The following GSE1 variants were observed in gnomAD, a reference collection of about 807,000 sequenced individuals.
The protein encoded by GSE1 is genetic suppressor element 1.
GSE1 carries 32 observed loss-of-function variants against 112.6 expected under a neutral mutation model. The ratio of observed to expected loss-of-function variants is 0.28; its 90% CI spans 0.21 to 0.38. The LOEUF (loss-of-function observed/expected upper bound fraction) is 0.38, where lower values mean the gene tolerates loss of function less well. GSE1 is among the 10% of genes least tolerant of loss of function. The pLI, the probability that GSE1 is intolerant of heterozygous loss-of-function variation, is 1.00. For missense variants in GSE1, 2,348 were observed against 1,699.2 expected (o/e 1.38, Z -6.71); for synonymous variants, 1,115 against 735.6 (o/e 1.52, Z -8.35).
At chr16:85,169,887 C>T in exon 1 of GSE1, 1 of 984,422 alleles carries the variant, frequency 1.0e-6, no homozygotes, top group Non-Finnish European at 1.2e-6. Flanking sequence ...CCCACCAGTG[C>T]GACGCGGGCG....
chr16:85,391,854 G>T (rs1435920636), intron 2 of GSE1, among the ~76,000 whole-genome samples: 1 of 152,146 alleles, frequency 6.6e-6, no homozygotes, highest in Non-Finnish European at 1.5e-5. Flanking sequence ...AGAACCCTGT[G>T]GCTTCTGGAC....
chr16:85,570,193 G>A (rs928382485), intron 1 of GSE1, among the ~76,000 whole-genome samples: 4 of 152,224 alleles, frequency 2.6e-5, no homozygotes, highest in African/African-American at 9.6e-5. Context: ...AAGGTGGGGG[G>A]AGTTCTGGAT....
At chr16:85,234,651 G>C (rs1904407013) in intron 1 of GSE1, among the ~76,000 whole-genome samples, 1 of 152,176 alleles carries the variant, frequency 6.6e-6, no homozygotes, top group South Asian at 2.1e-4. Flanking sequence ...CCAACGCCAG[G>C]AGGCCCAGGA....
At chr16:85,536,906 G>A (rs1598102782) in intron 2 of GSE1, among the ~76,000 whole-genome samples, 2 of 152,364 alleles carry the variant, frequency 1.3e-5, no homozygotes, top group Non-Finnish European at 1.5e-5. Flanking sequence ...TGGAACCGGC[G>A]AGGAATGGTG....
chr16:85,547,878 C>CAACAAA (rs2044755362), intron 2 of GSE1, among the ~76,000 whole-genome samples: 1 of 92,294 alleles, frequency 1.1e-5, no homozygotes, highest in African/African-American at 4.3e-5. Flanking sequence ...GTCTCTGTCT[C>CAACAAA]AAAAAAAAAA....
intron 2 of GSE1, among the ~76,000 whole-genome samples, chr16:85,427,375 C>T (rs2049018067): frequency 6.6e-6 from 1 of 152,192 alleles, no homozygotes; most frequent in South Asian, 2.1e-4. Flanking sequence ...GGCGCAGGGG[C>T]TCAGGCCTAT....
rs374299844 is a variant in GSE1 at position 85,634,204 on chromosome 16, C to T, written c.226+72C>T. The T allele has an allele frequency of 8.1e-4, 849 of 1,041,904 alleles. 6 individuals carry two copies. In the Admixed American group the frequency reaches 0.013, roughly 16 times the overall value. 64.5% of individuals were successfully genotyped at this position (1,041,904 alleles called of 1,614,324 possible). A position where few individuals can be genotyped will look rare whatever the true frequency, so the allele number is the denominator to read the frequency against. On this transcript the variant is annotated intron_variant, in intron 2 of 15. Coordinates refer to ENST00000253458, the MANE Select transcript of GSE1 (RefSeq NM_014615.5). Reference sequence around the variant, plus strand: ...AGGCCGGGACTCAGCCTCCCGCCTGCGGCGTGCACGCTCACAGCAGGTCTC... The same window carrying T: ...AGGCCGGGACTCAGCCTCCCGCCTGTGGCGTGCACGCTCACAGCAGGTCTC...
At chr16:85,522,099 T>C (rs1598053386) in intron 2 of GSE1, among the ~76,000 whole-genome samples, 1 of 152,290 alleles carries the variant, frequency 6.6e-6, no homozygotes, top group East Asian at 1.9e-4. Context: ...GGCGGATGGC[T>C]GCTCTAAGGA....
rs1026572972 is a variant in GSE1 at position 85,203,363 on chromosome 16, G to A, written c.2283+31556G>A. 1.2e-4 allele frequency among the ~76,000 whole-genome samples: 19 copies of A among 152,330 alleles called. 1 individual carries two copies. In the East Asian group the frequency reaches 2.1e-3, roughly 17 times the overall value. ...TCCAGTCTAAAGGTGGGGCAGGTGC[G>A]GGATGCTAAGGTGGTGTGGCACCCT... On this transcript the variant is annotated intron_variant, in intron 1 of 2. Coordinates refer to the GSE1 transcript ENST00000637419.
At chr16:85,577,037 C>A (rs780183134) in intron 1 of GSE1, among the ~76,000 whole-genome samples, 3 of 152,128 alleles carry the variant, frequency 2.0e-5, no homozygotes, top group Non-Finnish European at 4.4e-5. Flanking sequence ...CTGACCATCC[C>A]CAAGCACCCG....
chr16:85,271,547 C>T (rs889193469), intron 1 of GSE1, among the ~76,000 whole-genome samples: 2 of 152,188 alleles, frequency 1.3e-5, no homozygotes, highest in African/African-American at 2.4e-5. Flanking sequence ...TGCCAAAGTG[C>T]GGGAGTGATA....
chr16:85,603,366 A>G (rs1038705835), intron 1 of GSE1, among the ~76,000 whole-genome samples: 11 of 152,192 alleles, frequency 7.2e-5, no homozygotes, highest in Non-Finnish European at 1.2e-4. Context: ...CTCAGCCCCC[A>G]GTGCCCGAGG....
intron 1 of GSE1, among the ~76,000 whole-genome samples, chr16:85,254,007 C>T (rs1906797772): frequency 6.6e-6 from 1 of 152,128 alleles, no homozygotes; most frequent in South Asian, 2.1e-4. Flanking sequence ...GGAGCTGGAG[C>T]AAAAATAGAG....
At chr16:85,607,398 T>C (rs890180227), upstream of GSE1, among the ~76,000 whole-genome samples, 2 of 152,204 alleles carry the variant, frequency 1.3e-5, no homozygotes, top group Admixed American at 6.5e-5. Flanking sequence ...GGCGTCCCCA[T>C]TCACCAGGGC....
At chr16:85,669,414 T>C (rs919391051) in intron 14 of GSE1, among the ~76,000 whole-genome samples, 1 of 152,356 alleles carries the variant, frequency 6.6e-6, no homozygotes, top group East Asian at 1.9e-4. Flanking sequence ...TTTTTTCTCC[T>C]GGTAGAACTC....
At chr16:85,631,081 C>T (rs2049503755) in intron 1 of GSE1, among the ~76,000 whole-genome samples, 1 of 152,226 alleles carries the variant, frequency 6.6e-6, no homozygotes, top group African/African-American at 2.4e-5. Context: ...CGTCACCCTC[C>T]TGAGTGCCTC....
At chr16:85,497,508 T>C (rs184169356) in intron 2 of GSE1, among the ~76,000 whole-genome samples, 2 of 152,328 alleles carry the variant, frequency 1.3e-5, no homozygotes, top group Admixed American at 1.3e-4. Flanking sequence ...CACGGTTCCC[T>C]GAGAGGCACC....
At chr16:85,669,863 A>G (rs1462877003) in intron 14 of GSE1, among the ~76,000 whole-genome samples, 1 of 152,138 alleles carries the variant, frequency 6.6e-6, no homozygotes, top group African/African-American at 2.4e-5. Context: ...CCTCACTCCC[A>G]CACCTGCTGG....
At chr16:85,519,842 T>C (rs2052120688) in intron 2 of GSE1, among the ~76,000 whole-genome samples, 1 of 152,190 alleles carries the variant, frequency 6.6e-6, no homozygotes, top group African/African-American at 2.4e-5. Flanking sequence ...GTCCAAGTGC[T>C]CCCCTTCCTT....
Sources: allele counts gnomAD v4.1 joint callset (sites outside exome capture counted in the v4.1 genomes callset), GRCh38; gene constraint gnomAD v4.1.1; transcripts MANE v1.5; gene names NCBI Gene and HGNC (gene_info 2026-07-23, HGNC 2026-07-21).